The following FER variants were observed in gnomAD, a reference collection of about 807,000 sequenced individuals.
The protein encoded by FER is tyrosine-protein kinase Fer.
In FER, 63 loss-of-function variants were observed where a neutral mutation model predicts 111.0. The ratio of observed to expected loss-of-function variants is 0.57; its 90% CI spans 0.46 to 0.70. The LOEUF is 0.70. Among genes scored for constraint, FER ranks in the 30% least tolerant of loss-of-function variants. The pLI is 0.00. For synonymous variants in FER, 327 were observed against 313.9 expected (o/e 1.04, Z -0.44); for missense variants, 914 against 954.0 (o/e 0.96, Z 0.55).
intron 13 of FER, among the ~76,000 whole-genome samples, chr5:109,036,645 CCTCT>C (rs1214851373): frequency 7.9e-5 from 12 of 152,030 alleles, no homozygotes; most frequent in African/African-American, 2.6e-4. Context: ...TTCTTCCCTT[CCTCT>C]CTTTCTTTCC....
rs1240755720 is a variant in FER, at chr5:109,131,607, A to G, written c.2048+31088A>G. The stretch of plus-strand genomic sequence containing the variant: ...ATTTCAATTTTTCTTCTAATAGGAA[A>G]GATGAGATCAGTAATGTATTTATTT... On this transcript the variant is annotated intron_variant, in intron 17 of 19. Coordinates refer to ENST00000281092, the MANE Select transcript of FER (RefSeq NM_005246.4). Among the ~76,000 whole-genome samples, 11 of 152,066 alleles carry G rather than the reference A, an allele frequency of 7.2e-5. No homozygotes were observed. In the South Asian group the frequency reaches 2.3e-3, roughly 31 times the overall value.
intron 3 of FER, among the ~76,000 whole-genome samples, chr5:108,808,442 T>C (rs1255793255): frequency 6.6e-6 from 1 of 152,094 alleles, no homozygotes; most frequent in African/African-American, 2.4e-5. Flanking sequence ...TTGTTTTCTG[T>C]TTGTGTGATC....
At chr5:108,815,031 GT>G (rs201203638) in intron 3 of FER, among the ~76,000 whole-genome samples, 1,651 of 152,158 alleles carry the variant, frequency 0.011, 9 homozygotes, top group Middle Eastern at 0.024. Flanking sequence ...CATCTTGAAT[GT>G]TGCTTTCTAC....
chr5:108,856,715 ATGT>A (rs887362015), intron 5 of FER, among the ~76,000 whole-genome samples: 1 of 152,120 alleles, frequency 6.6e-6, no homozygotes, highest in Non-Finnish European at 1.5e-5. Flanking sequence ...TTTTCTGTAA[ATGT>A]TGTTCTTCCA....
intron 5 of FER, among the ~76,000 whole-genome samples, chr5:108,838,690 G>A (rs1404535911): frequency 6.6e-6 from 1 of 152,230 alleles, no homozygotes; most frequent in South Asian, 2.1e-4. Context: ...TTAGTATAAT[G>A]TAAAATGTAA....
chr5:108,780,175 C>T (rs1019270616), intron 2 of FER, among the ~76,000 whole-genome samples: 4 of 152,048 alleles, frequency 2.6e-5, no homozygotes, highest in Non-Finnish European at 5.9e-5. Flanking sequence ...CTTACCTTCA[C>T]TTATTCATCT....
chr5:108,749,325 G>A (rs905230286), intron 1 of FER, among the ~76,000 whole-genome samples: 1 of 152,150 alleles, frequency 6.6e-6, no homozygotes. Flanking sequence ...AAGGCTGAGG[G>A]GGCGGGTGCC....
intron 17 of FER, among the ~76,000 whole-genome samples, chr5:109,134,136 G>A (rs1406905411): frequency 2.6e-5 from 4 of 152,036 alleles, no homozygotes; most frequent in Non-Finnish European, 4.4e-5. Flanking sequence ...ATTTTCCTGT[G>A]AAGTTGAAGC....
intron 2 of FER, among the ~76,000 whole-genome samples, chr5:108,786,166 G>A (rs143869742): frequency 3.3e-4 from 50 of 152,278 alleles, no homozygotes; most frequent in Middle Eastern, 3.4e-3. Flanking sequence ...TCTATGCCTG[G>A]ACTTAAATTT....
intron 16 of FER, among the ~76,000 whole-genome samples, chr5:109,089,968 T>G (rs1777981110): frequency 1.3e-5 from 2 of 152,172 alleles, no homozygotes; most frequent in Admixed American, 1.3e-4. Flanking sequence ...CTTGGCTTAG[T>G]GCCTTTCGGA....
rs190291255 is a variant in FER at position 109,122,507 on chromosome 5, G to T, written c.2048+21988G>T. On this transcript the variant is annotated intron_variant, in intron 17 of 19. Transcript: ENST00000281092. ...TAATTTATGGTCTGTCCTTGAGAAT[G>T]ATCCATGTGCTGAGAAAAAAAAAAA... Among the ~76,000 whole-genome samples, 4 of 142,030 alleles carry T rather than the reference G, an allele frequency of 2.8e-5. No homozygotes were observed. In the East Asian group the frequency reaches 7.9e-4, roughly 28 times the overall value. 93.2% of individuals were successfully genotyped at this position (142,030 alleles called of 152,430 possible). A position where few individuals can be genotyped will look rare whatever the true frequency, so the allele number is the denominator to read the frequency against.
chr5:109,163,147 A>G (rs1756172490), intron 17 of FER, among the ~76,000 whole-genome samples: 1 of 152,058 alleles, frequency 6.6e-6, no homozygotes, highest in Non-Finnish European at 1.5e-5. Flanking sequence ...AAACATATGC[A>G]GTATGTTTTG....
chr5:108,893,330 A>G (rs1376659482), intron 9 of FER, among the ~76,000 whole-genome samples: 1 of 150,020 alleles, frequency 6.7e-6, no homozygotes, highest in Non-Finnish European at 1.5e-5. Flanking sequence ...ATAGTTTGAG[A>G]TTTTACATTT....
intron 16 of FER, among the ~76,000 whole-genome samples, chr5:109,053,762 C>T (rs1773208310): frequency 7.1e-6 from 1 of 141,784 alleles, no homozygotes; most frequent in Non-Finnish European, 1.5e-5. Context: ...GCGATCTTGG[C>T]TCACTGCAAG....
chr5:109,018,020 G>A (rs1767423841), intron 13 of FER, among the ~76,000 whole-genome samples: 1 of 151,730 alleles, frequency 6.6e-6, no homozygotes, highest in African/African-American at 2.4e-5. Context: ...TGTAATAGTA[G>A]GGAAAGAAAG....
chr5:109,164,909 A>G (rs979098561), intron 17 of FER, among the ~76,000 whole-genome samples: 1 of 152,182 alleles, frequency 6.6e-6, no homozygotes, highest in African/African-American at 2.4e-5. Context: ...TGAATCAACA[A>G]TTATGTAGTC....
chr5:109,154,075 C>T (rs1034283023), intron 17 of FER, among the ~76,000 whole-genome samples: 2 of 125,866 alleles, frequency 1.6e-5, no homozygotes, highest in South Asian at 2.4e-4. Context: ...TGCATACTTA[C>T]GCAAAAAAAA....
rs531347605 is a variant in FER, at chr5:108,946,207, A to C, written c.1314A>C (p.Ala438=). ...IAGIIRSPKS[A]LGSSALSDMI... is the part of the protein sequence containing the mutation. ...GAATAATTAGGTCTCCAAAATCTGCACTGGGCTCTTCAGCAGTAAGTAGGA... is the reference window on the plus strand; with the variant it reads ...GAATAATTAGGTCTCCAAAATCTGCCCTGGGCTCTTCAGCAGTAAGTAGGA... The change falls in exon 11 of 20, where the codon GCA becomes GCC. Residue 438 remains alanine (A), a synonymous_variant. Transcript: ENST00000281092. 3 of 1,611,612 alleles carry C rather than the reference A, an allele frequency of 1.9e-6. No individual in the cohort carries two copies. The highest frequency in any genetic ancestry group is 4.5e-5 in the East Asian group (2 of 44,740).
intron 13 of FER, among the ~76,000 whole-genome samples, chr5:109,013,303 C>G (rs1766563832): frequency 7.1e-6 from 1 of 141,316 alleles, no homozygotes; most frequent in Admixed American, 7.7e-5. Flanking sequence ...TTGTTCAATT[C>G]CCACCTATGA....
Sources: gnomAD v4.1 joint callset for allele counts (sites outside exome capture counted in the v4.1 genomes callset) on GRCh38, gnomAD v4.1.1 for gene constraint, MANE v1.5 for transcripts, NCBI Gene and HGNC (gene_info 2026-07-23, HGNC 2026-07-21) for gene names.